The following MBNL1 variants were observed in gnomAD, a reference collection of about 807,000 sequenced individuals.
The protein encoded by MBNL1 is muscleblind like splicing regulator 1, also known as muscleblind-like protein 1.
A neutral mutation model predicts 42.2 loss-of-function variants in MBNL1; 8 were observed. The ratio of observed to expected loss-of-function variants is 0.19; its 90% CI spans 0.11 to 0.34. The LOEUF is 0.34. Ranked by LOEUF, MBNL1 falls within the 10% of genes least tolerant of loss-of-function variation. The pLI is 1.00. For synonymous variants in MBNL1, 169 were observed against 173.9 expected, an observed-to-expected ratio of 0.97 and a Z score of 0.22; for missense variants, 309 against 495.3, an observed-to-expected ratio of 0.62 and a Z score of 3.57.
At chr3:152,333,320 A>G (rs1170210689) in intron 2 of MBNL1, among the ~76,000 whole-genome samples, 2 of 152,212 alleles carry the variant, frequency 1.3e-5, no homozygotes, top group Non-Finnish European at 2.9e-5. Context: ...TAATTTCTTA[A>G]GCTGGTAAAT....
intron 2 of MBNL1, among the ~76,000 whole-genome samples, chr3:152,414,204 C>T (rs1272327196): frequency 6.6e-6 from 1 of 152,210 alleles, no homozygotes; most frequent in African/African-American, 2.4e-5. Context: ...TGGCTTATAG[C>T]AACTTAGTTT....
At chr3:152,313,514 A>G (rs2068349909) in intron 2 of MBNL1, among the ~76,000 whole-genome samples, 2 of 152,290 alleles carry the variant, frequency 1.3e-5, no homozygotes, top group East Asian at 1.9e-4. Flanking sequence ...TGAGGATTCA[A>G]TGAGATCAGT....
chr3:152,445,369 A>G lies in MBNL1; in HGVS notation c.637A>G (p.Thr213Ala). ...TCCTGCTGACAGCACAATGATTGAC[A>G]CCAATGACAACACAGTCACTGTGTG... ...AHPADSTMID[T>A]NDNTVTVCMD... The change falls in exon 5 of 10, where the codon ACC becomes GCC. Residue 213 changes from threonine to alanine, a missense_variant. Physicochemically the swap from Thr to Ala is moderately conservative, Grantham distance 58. Transcript: ENST00000324210. The G allele has an allele frequency of 6.2e-7, 1 of 1,614,126 alleles. No individual in the cohort carries two copies. Among genetic ancestry groups the G allele is most frequent in the Non-Finnish European group, 8.5e-7 (1 of 1,179,982 alleles).
rs2060097242 is a variant in MBNL1 at position 152,300,089 on chromosome 3, AT to A, written c.-101del. The A allele has an allele frequency of 3.0e-6, 2 of 662,302 alleles. No homozygotes were observed. Among genetic ancestry groups the A allele is most frequent in the Non-Finnish European group, 2.5e-6 (1 of 397,118 alleles). The allele number at this position is 662,302 out of a possible 1,614,324, so 41.0% of individuals were successfully genotyped here. On this transcript the variant is annotated 5_prime_UTR_variant, in exon 2 of 10. Transcript: ENST00000324210. ...GTGGGGAAAAGTATTTTGAGGGGAC[AT>A]TTTCATCATCAGTTCAGCTTTTTTT...
In MBNL1 at chr3:152,432,904, G is replaced by T; in HGVS notation, c.533G>T (p.Arg178Leu). The T allele has an allele frequency of 6.2e-7, 1 of 1,612,944 alleles. No individual in the cohort carries two copies. Among genetic ancestry groups the T allele is most frequent in the Non-Finnish European group, 8.5e-7 (1 of 1,179,018 alleles). Residue 178 changes from arginine (R) to leucine (L), a missense_variant, in exon 4 of 10, where the codon CGA becomes CTA. Transcript: ENST00000324210. ...GCAGCTGCTGCACAGAAATTAATGC[G>T]AACAGACAGACTTGAGGTAGGAATG... ...AAAAAAQKLM[R>L]TDRLEVCREY...
At chr3:152,405,498 CAG>C (rs1209437166) in intron 2 of MBNL1, among the ~76,000 whole-genome samples, 1 of 152,082 alleles carries the variant, frequency 6.6e-6, no homozygotes, top group Non-Finnish European at 1.5e-5. Flanking sequence ...GGTTTTTAGT[CAG>C]TACTTCCTGA....
chr3:152,455,375 C>T (rs1249224822), intron 6 of MBNL1, among the ~76,000 whole-genome samples, 167 bp from the exon 7 acceptor site: 1 of 152,190 alleles, frequency 6.6e-6, no homozygotes, highest in Non-Finnish European at 1.5e-5. Flanking sequence ...TAATTGATCA[C>T]TGTGCTATTG....
intron 2 of MBNL1, among the ~76,000 whole-genome samples, chr3:152,251,254 T>C (rs545398237): frequency 6.6e-6 from 1 of 152,242 alleles, no homozygotes; most frequent in Admixed American, 6.6e-5. Context: ...TTAGTTGTCT[T>C]GTCTTTTTAA....
intron 2 of MBNL1, among the ~76,000 whole-genome samples, chr3:152,407,038 G>A (rs985365552): frequency 8.6e-6 from 1 of 116,822 alleles, no homozygotes; most frequent in Non-Finnish European, 2.0e-5. Flanking sequence ...CTCAATAATT[G>A]TTAAGCCACT....
At chr3:152,411,535 CAAA>C (rs1371126552) in intron 2 of MBNL1, among the ~76,000 whole-genome samples, 1 of 151,592 alleles carries the variant, frequency 6.6e-6, no homozygotes, top group Non-Finnish European at 1.5e-5. Context: ...CAAAACAAAA[CAAA>C]AAAAACTGAA....
intron 2 of MBNL1, among the ~76,000 whole-genome samples, chr3:152,404,218 T>C (rs758270223): frequency 3.9e-5 from 6 of 152,198 alleles, no homozygotes; most frequent in Non-Finnish European, 8.8e-5. Flanking sequence ...CAGTGTAATA[T>C]ATACTAATTT....
intron 8 of MBNL1, chr3:152,458,832 GA>G (rs3836441): frequency 0.25 from 37,418 of 151,930 alleles, 5,094 homozygotes; most frequent in Non-Finnish European, 0.32. Flanking sequence ...TTTTAATTTG[GA>G]AAAAAAAAGT....
At chr3:152,381,383 C>CA (rs1029008954) in intron 2 of MBNL1, among the ~76,000 whole-genome samples, 18 of 151,328 alleles carry the variant, frequency 1.2e-4, no homozygotes, top group East Asian at 3.9e-4. Flanking sequence ...AACAAACAAA[C>CA]AAAAAAAAGT....
chr3:152,275,017 T>G (rs1224840271), intron 1 of MBNL1, among the ~76,000 whole-genome samples: 1 of 152,250 alleles, frequency 6.6e-6, no homozygotes, highest in Non-Finnish European at 1.5e-5. Context: ...CATTTTCAGC[T>G]TATTGTATCC....
At chr3:152,257,544 G>A (rs2035622689) in intron 2 of MBNL1, among the ~76,000 whole-genome samples, 1 of 151,982 alleles carries the variant, frequency 6.6e-6, no homozygotes. Flanking sequence ...CTTTCTGTGG[G>A]TGATGTCATA....
intron 6 of MBNL1, among the ~76,000 whole-genome samples, chr3:152,452,190 A>T (rs190429975): frequency 1.1e-3 from 162 of 152,314 alleles, no homozygotes; most frequent in South Asian, 8.5e-3. Flanking sequence ...CAGATTGATT[A>T]TTTGTAGATA....
At chr3:152,389,820 A>G (rs1435237125) in intron 2 of MBNL1, among the ~76,000 whole-genome samples, 1 of 152,186 alleles carries the variant, frequency 6.6e-6, no homozygotes, top group African/African-American at 2.4e-5. Context: ...CTCTTAGGCT[A>G]TACTAAATGT....
At chr3:152,387,994 G>T (rs151211983) in intron 2 of MBNL1, among the ~76,000 whole-genome samples, 4 of 152,256 alleles carry the variant, frequency 2.6e-5, no homozygotes, top group Middle Eastern at 3.4e-3. Flanking sequence ...AGATTAGATG[G>T]CCTACAGCTC....
chr3:152,458,438 C>T (rs1738141285), intron 8 of MBNL1: 1 of 488,894 alleles, frequency 2.0e-6, no homozygotes, highest in African/African-American at 2.0e-5. Flanking sequence ...GGATTAGTAT[C>T]ATTTTATAGA....
Sources: gnomAD v4.1 joint callset for allele counts (sites outside exome capture counted in the v4.1 genomes callset) on GRCh38, gnomAD v4.1.1 for gene constraint, MANE v1.5 for transcripts, NCBI Gene and HGNC (gene_info 2026-07-23, HGNC 2026-07-21) for gene names.